Variants in CYTH3 observed in about 807,000 individuals in gnomAD.
The protein encoded by CYTH3 is cytohesin 3, also known as cytohesin-3.
CYTH3 carries 23 observed loss-of-function variants against 55.1 expected under a neutral mutation model. That is an observed-to-expected ratio of 0.42 (90% CI 0.30 to 0.59). The LOEUF is 0.59. Among genes scored for constraint, CYTH3 ranks in the 20% least tolerant of loss-of-function variants. CYTH3 has a pLI of 0.20. For missense variants in CYTH3, 413 were observed against 524.8 expected (o/e 0.79, Z 2.08); for synonymous variants, 249 against 194.9 (o/e 1.28, Z -2.31).
intron 1 of CYTH3, among the ~76,000 whole-genome samples, chr7:6,192,410 A>C (rs1048493662): frequency 2.0e-5 from 3 of 151,390 alleles, no homozygotes; most frequent in Non-Finnish European, 4.4e-5. Flanking sequence ...ATTTAAAGAC[A>C]GGGTCTTGCT....
At chr7:6,267,152 C>A (rs1780517976) in intron 1 of CYTH3, among the ~76,000 whole-genome samples, 1 of 152,236 alleles carries the variant, frequency 6.6e-6, no homozygotes, top group African/African-American at 2.4e-5. Context: ...GAGTAAAAAG[C>A]TCCCTGAGGC....
intron 1 of CYTH3, among the ~76,000 whole-genome samples, chr7:6,250,801 A>C (rs1258148788): frequency 6.6e-6 from 1 of 152,214 alleles, no homozygotes; most frequent in Non-Finnish European, 1.5e-5. Flanking sequence ...TCAATTGTGT[A>C]ATTTAAAAGG....
chr7:6,213,165 A>C (rs1784358556), intron 1 of CYTH3, among the ~76,000 whole-genome samples: 1 of 152,266 alleles, frequency 6.6e-6, no homozygotes, highest in South Asian at 2.1e-4. Flanking sequence ...TGACTAGCAC[A>C]TAGTGGGAAC....
rs957852886 is a variant in CYTH3 at position 6,172,976 on chromosome 7, A to C, written c.449+677T>G. 2.2e-5 allele frequency: 25 copies of C among 1,114,904 alleles called. No individual in the cohort carries two copies. In the African/African-American group the frequency reaches 4.0e-4, roughly 18 times the overall value. The allele number at this position is 1,114,904 out of a possible 1,614,324, so 69.1% of individuals were successfully genotyped here. A position where few individuals can be genotyped will look rare whatever the true frequency, so the allele number is the denominator to read the frequency against. ...CAAGGTATGAAGCCGAAGATTTGAG[A>C]AGATGACGAGGTGCGGCCTGATTTT... is the stretch of plus-strand genomic sequence containing the variant. On this transcript the variant is annotated intron_variant, in intron 6 of 12. Coordinates refer to ENST00000350796, the MANE Select transcript of CYTH3 (RefSeq NM_004227.4).
chr7:6,184,046 T>C (rs112383318), intron 4 of CYTH3, among the ~76,000 whole-genome samples: 10,074 of 125,314 alleles, frequency 0.08, 582 homozygotes, highest in African/African-American at 0.13. Flanking sequence ...ACCCCCTCTG[T>C]GGCTTTTTTT....
intron 6 of CYTH3, chr7:6,172,668 A>G: frequency 8.7e-6 from 9 of 1,030,810 alleles, no homozygotes; most frequent in Non-Finnish European, 1.1e-5. Flanking sequence ...CCAGAGACTG[A>G]TGGACTGAAA....
chr7:6,215,539 G>A (rs189146409), intron 1 of CYTH3, among the ~76,000 whole-genome samples: 35 of 148,558 alleles, frequency 2.4e-4, no homozygotes, highest in Admixed American at 1.1e-3. Flanking sequence ...GCAGTGAGCC[G>A]AGATCGCGCC....
At chr7:6,202,065 A>G (rs1043270186) in intron 1 of CYTH3, among the ~76,000 whole-genome samples, 6 of 152,198 alleles carry the variant, frequency 3.9e-5, no homozygotes, top group African/African-American at 1.4e-4. Context: ...AGGGAAGTCT[A>G]TTTCCCAGTG....
At chr7:6,266,183 C>T (rs570769615) in intron 1 of CYTH3, among the ~76,000 whole-genome samples, 1 of 152,224 alleles carries the variant, frequency 6.6e-6, no homozygotes, top group South Asian at 2.1e-4. Context: ...CCAAACCACT[C>T]TCCACTCAGG....
rs57184967 is a variant in CYTH3 at position 6,198,774 on chromosome 7, T to TA, written c.35-8244dup. The stretch of plus-strand genomic sequence containing the variant: ...TCCCCTCCAACCTCAATAAAGCTGC[T>TA]AAAAAAAAAAAAAAGGGCAGGTTAA... On this transcript the variant is annotated intron_variant, in intron 1 of 12. Transcript: ENST00000350796. 3.8e-3 allele frequency among the ~76,000 whole-genome samples: 525 copies of TA among 136,768 alleles called. 1 individual carries two copies. The highest frequency in any genetic ancestry group is 0.012 in the Middle Eastern group (3 of 254). 89.7% of individuals were successfully genotyped at this position (136,768 alleles called of 152,430 possible).
At chr7:6,209,074 A>G (rs1784265293) in intron 1 of CYTH3, among the ~76,000 whole-genome samples, 2 of 152,246 alleles carry the variant, frequency 1.3e-5, no homozygotes, top group Non-Finnish European at 2.9e-5. Context: ...TAAATCATGA[A>G]TGCAACAGAT....
At chr7:6,176,421 C>G (rs1238690420) in intron 5 of CYTH3, among the ~76,000 whole-genome samples, 1 of 151,780 alleles carries the variant, frequency 6.6e-6, no homozygotes, top group Non-Finnish European at 1.5e-5. Flanking sequence ...ACCACCACAC[C>G]CAGCCAATTT....
intron 1 of CYTH3, among the ~76,000 whole-genome samples, chr7:6,192,567 C>T (rs1434513681): frequency 8.0e-5 from 11 of 136,994 alleles, no homozygotes; most frequent in Non-Finnish European, 1.5e-4. Flanking sequence ...GAGTCTCGCT[C>T]TGTCGCCAGG....
intron 1 of CYTH3, among the ~76,000 whole-genome samples, chr7:6,247,734 C>T (rs1779857550): frequency 6.6e-6 from 1 of 152,122 alleles, no homozygotes; most frequent in Admixed American, 6.5e-5. Context: ...GTCTTGACAA[C>T]TTCTGGGCTC....
At chr7:6,249,103 T>C (rs1271862926) in intron 1 of CYTH3, among the ~76,000 whole-genome samples, 1 of 152,238 alleles carries the variant, frequency 6.6e-6, no homozygotes, top group Non-Finnish European at 1.5e-5. Context: ...AAAAATGCGA[T>C]GAAGCTAGCT....
chr7:6,207,554 C>T (rs1392044010), intron 1 of CYTH3, among the ~76,000 whole-genome samples: 1 of 152,032 alleles, frequency 6.6e-6, no homozygotes. Context: ...CACTTGAGAC[C>T]AGGAGTTTGA....
intron 3 of CYTH3, among the ~76,000 whole-genome samples, chr7:6,187,396 C>T (rs764835250): frequency 7.2e-5 from 11 of 152,188 alleles, no homozygotes; most frequent in Non-Finnish European, 1.3e-4. Context: ...AATTTCTGTG[C>T]GGGTCAACCC....
chr7:6,169,088 C>T lies in CYTH3; in HGVS notation c.823+1447G>A, dbSNP rs538482215. On this transcript the variant is annotated intron_variant, in intron 9 of 12. Transcript: ENST00000350796. The surrounding 1 kb of genome is among the most constrained non-coding windows in gnomAD (Gnocchi z 4.1). ...AAATATCTACAACTCCCCTAAACCT[C>T]GGTACAGCCAGAAAAAAGTCAAAGA... is the stretch of plus-strand genomic sequence containing the variant. 1.3e-5 allele frequency among the ~76,000 whole-genome samples: 2 copies of T among 152,170 alleles called. No homozygotes were observed. The highest frequency in any genetic ancestry group is 2.4e-5 in the African/African-American group (1 of 41,438).
intron 1 of CYTH3, among the ~76,000 whole-genome samples, chr7:6,197,394 G>A (rs1406580111): frequency 6.6e-6 from 1 of 152,130 alleles, no homozygotes; most frequent in Admixed American, 6.6e-5. Context: ...AGCAAAAAAA[G>A]AATTGAGGCT....
Sources: allele counts gnomAD v4.1 joint callset (sites outside exome capture counted in the v4.1 genomes callset), GRCh38; gene constraint gnomAD v4.1.1; non-coding constraint Gnocchi (gnomAD v3.1); transcripts MANE v1.5; gene names NCBI Gene and HGNC (gene_info 2026-07-23, HGNC 2026-07-21).